The following ZC3H12B variants were observed in gnomAD, a reference collection of about 807,000 sequenced individuals.
ZC3H12B encodes the protein probable ribonuclease ZC3H12B.
In ZC3H12B, 7 loss-of-function variants were observed where a neutral mutation model predicts 43.9. The ratio of observed to expected loss-of-function variants is 0.16; its 90% CI spans 0.09 to 0.30. The LOEUF is 0.30. ZC3H12B is among the 10% of genes least tolerant of loss of function. ZC3H12B has a pLI of 1.00. For synonymous variants in ZC3H12B, 222 were observed against 241.7 expected (o/e 0.92, Z 0.76); for missense variants, 475 against 670.2 (o/e 0.71, Z 3.22).
chrX:65,476,909 C>T (rs2067998748), intron 3 of ZC3H12B, among the ~76,000 whole-genome samples: 1 of 108,368 alleles, frequency 9.2e-6, no homozygotes, highest in Admixed American at 9.9e-5. Context: ...GCAACCTCTG[C>T]CTCCCAGGTT....
chrX:65,466,118 A>C (rs1292376145), intron 3 of ZC3H12B, among the ~76,000 whole-genome samples: 1 of 110,378 alleles, frequency 9.1e-6, no homozygotes, highest in African/African-American at 3.3e-5. Flanking sequence ...ATCTTTCATT[A>C]TTACTAAAAC....
chrX:65,108,895 C>G, the ZC3H12B span, among the ~76,000 whole-genome samples: 9 of 111,119 alleles, frequency 8.1e-5, no homozygotes, highest in Non-Finnish European at 1.7e-4. Context: ...GGGAATTTTT[C>G]AGCTCTATCA....
chrX:65,406,175 C>T (rs759440711), intron 3 of ZC3H12B, among the ~76,000 whole-genome samples: 1 of 109,937 alleles, frequency 9.1e-6, no homozygotes, highest in African/African-American at 3.3e-5. Flanking sequence ...CAAAACCAGA[C>T]AAAGACACAA....
the ZC3H12B span, among the ~76,000 whole-genome samples, chrX:65,358,943 CTTCT>C: frequency 8.9e-6 from 1 of 111,760 alleles, no homozygotes; most frequent in African/African-American, 3.3e-5. Context: ...GACAGGCTGA[CTTCT>C]TTGTTAGGAG....
chrX:65,339,451 A>C, the ZC3H12B span, among the ~76,000 whole-genome samples: 4 of 112,198 alleles, frequency 3.6e-5, no homozygotes, highest in South Asian at 1.5e-3. Flanking sequence ...TGAGTTGGCA[A>C]AGAGAGCTGC....
At chrX:65,355,845 C>G in the ZC3H12B span, among the ~76,000 whole-genome samples, 1 of 110,962 alleles carries the variant, frequency 9.0e-6, no homozygotes, top group Non-Finnish European at 1.9e-5. Flanking sequence ...ATCCCAGCTA[C>G]TTGGGAGACT....
chrX:65,306,041 G>T, the ZC3H12B span, among the ~76,000 whole-genome samples: 4 of 111,775 alleles, frequency 3.6e-5, no homozygotes, highest in African/African-American at 1.3e-4. Context: ...ACTGTGCCAA[G>T]CAATATAAGA....
chrX:65,067,634 ACTCTTT>A, the ZC3H12B span, among the ~76,000 whole-genome samples: 1 of 103,723 alleles, frequency 9.6e-6, no homozygotes, highest in Non-Finnish European at 2.0e-5. Flanking sequence ...TTGTATTTTC[ACTCTTT>A]CTCTTAGTCT....
At chrX:65,385,555 A>C (rs111734436) in intron 2 of ZC3H12B, among the ~76,000 whole-genome samples, 9,248 of 111,765 alleles carry the variant, frequency 0.083, 1,030 homozygotes, top group African/African-American at 0.29. Context: ...TTGGGCTGAG[A>C]TGATGGGGTT....
chrX:65,343,036 A>G, the ZC3H12B span, among the ~76,000 whole-genome samples: 1 of 111,025 alleles, frequency 9.0e-6, no homozygotes, highest in East Asian at 2.8e-4. Flanking sequence ...TATTATAAAC[A>G]CCTCTATGGA....
the ZC3H12B span, among the ~76,000 whole-genome samples, chrX:65,229,521 A>G: frequency 1.8e-5 from 2 of 111,219 alleles, no homozygotes; most frequent in African/African-American, 6.5e-5. Flanking sequence ...AACAAAAGCC[A>G]AAATTGACAA....
chrX:65,406,325 G>T (rs1451005079), intron 3 of ZC3H12B, among the ~76,000 whole-genome samples: 2 of 107,776 alleles, frequency 1.9e-5, no homozygotes, highest in Non-Finnish European at 3.8e-5. Flanking sequence ...TCCCTGGGAT[G>T]CAAGGATGGT....
the ZC3H12B span, among the ~76,000 whole-genome samples, chrX:65,045,892 A>G: frequency 8.9e-6 from 1 of 111,985 alleles, no homozygotes; most frequent in Non-Finnish European, 1.9e-5. Context: ...TGAAAACAAC[A>G]TTAATCTCTT....
the ZC3H12B span, among the ~76,000 whole-genome samples, chrX:65,116,463 G>A: frequency 2.7e-5 from 3 of 111,373 alleles, no homozygotes; most frequent in Admixed American, 2.9e-4. Flanking sequence ...TTATAATATA[G>A]TTTGAAGTCA....
At chrX:65,133,033 G>T in the ZC3H12B span, among the ~76,000 whole-genome samples, 1 of 111,284 alleles carries the variant, frequency 9.0e-6, no homozygotes, top group African/African-American at 3.3e-5. Flanking sequence ...ATGGGACATG[G>T]CTTAGGAAGA....
At chrX:65,441,158 C>T (rs1439075095) in intron 3 of ZC3H12B, among the ~76,000 whole-genome samples, 1 of 111,752 alleles carries the variant, frequency 8.9e-6, no homozygotes, top group Non-Finnish European at 1.9e-5. Context: ...ACTTGTGCCT[C>T]CCATTGCGGT....
At chrX:65,383,258 T>C (rs2066469841) in intron 2 of ZC3H12B, among the ~76,000 whole-genome samples, 1 of 111,571 alleles carries the variant, frequency 9.0e-6, no homozygotes, top group African/African-American at 3.3e-5. Context: ...AACAGAGATA[T>C]AGATCAATGG....
At chrX:65,225,518 G>C in the ZC3H12B span, among the ~76,000 whole-genome samples, 1 of 112,591 alleles carries the variant, frequency 8.9e-6, no homozygotes, top group African/African-American at 3.2e-5. Flanking sequence ...GAGCAAAGCT[G>C]GACGGAGAAT....
At chrX:65,153,509 G>A in the ZC3H12B span, among the ~76,000 whole-genome samples, 2 of 112,318 alleles carry the variant, frequency 1.8e-5, no homozygotes, top group Admixed American at 9.4e-5. Context: ...TCAGAGAAAT[G>A]CAAATCAAAA....
Sources: gnomAD v4.1 joint callset for allele counts (sites outside exome capture counted in the v4.1 genomes callset) on GRCh38, gnomAD v4.1.1 for gene constraint, MANE v1.5 for transcripts, NCBI Gene and HGNC (gene_info 2026-07-23, HGNC 2026-07-21) for gene names.